Variants in KIF16B observed in about 807,000 individuals in gnomAD.
KIF16B encodes the protein kinesin family member 16B.
KIF16B carries 98 observed loss-of-function variants against 156.3 expected under a neutral mutation model. The observed-to-expected ratio is 0.63, with a 90% CI of 0.53 to 0.74. The LOEUF is 0.74. KIF16B is among the 30% of genes least tolerant of loss of function. The pLI, the probability that KIF16B is intolerant of heterozygous loss-of-function variation, is 0.00. For missense variants in KIF16B, 1,421 were observed against 1,606.5 expected, an observed-to-expected ratio of 0.88 and a Z score of 1.97; for synonymous variants, 564 against 583.7, an observed-to-expected ratio of 0.97 and a Z score of 0.49.
intron 17 of KIF16B, among the ~76,000 whole-genome samples, chr20:16,382,649 G>A (rs571995161): frequency 3.0e-4 from 45 of 152,142 alleles, no homozygotes; most frequent in African/African-American, 8.9e-4. Context: ...TTTAATTATC[G>A]CAAAGTTTCA....
chr20:16,319,416 G>A (rs904172838), intron 24 of KIF16B, among the ~76,000 whole-genome samples: 5 of 152,044 alleles, frequency 3.3e-5, no homozygotes, highest in Non-Finnish European at 4.4e-5. Flanking sequence ...TCCTACACAC[G>A]AGGAGCTGAA....
intron 24 of KIF16B, among the ~76,000 whole-genome samples, chr20:16,316,287 T>G (rs2063697017): frequency 6.6e-6 from 1 of 151,958 alleles, no homozygotes. Context: ...CAGCGATACC[T>G]AAGCCAATCC....
At chr20:16,392,842 C>T (rs180993394) in intron 17 of KIF16B, among the ~76,000 whole-genome samples, 14 of 152,242 alleles carry the variant, frequency 9.2e-5, no homozygotes, top group Non-Finnish European at 1.6e-4. Context: ...GCAGCAGTTG[C>T]CATCAAAGAA....
At position 16,505,755 on chromosome 20, in the gene KIF16B, G is replaced by C. The variant is rs976166608; in HGVS notation, c.967C>G (p.Leu323Val). Reference protein sequence around the residue: ...SVLTWLLKDSLGGNSKTIMIA... With the variant: ...SVLTWLLKDSVGGNSKTIMIA... ...ATGATAGTTTTAGAGTTTCCTCCAA[G>C]GCTATCTTTTAACAACCAAGTCAAC... is the stretch of plus-strand genomic sequence containing the variant. Residue 323 changes from leucine to valine, a missense_variant, in exon 9 of 26, where the codon CTT (leucine) becomes GTT (valine). Coordinates refer to ENST00000354981, the MANE Select transcript of KIF16B (RefSeq NM_024704.5). 2.5e-6 allele frequency: 4 copies of C among 1,613,674 alleles called. No individual in the cohort carries two copies. Among genetic ancestry groups the C allele is most frequent in the Non-Finnish European group, 3.4e-6 (4 of 1,179,680 alleles).
chr20:16,508,638 C>T (rs573895520), intron 6 of KIF16B, among the ~76,000 whole-genome samples: 6 of 152,266 alleles, frequency 3.9e-5, no homozygotes, highest in East Asian at 3.9e-4. Flanking sequence ...CAGATAGTAA[C>T]GCTTGCTCCC....
At position 16,508,004 on chromosome 20, in the gene KIF16B, T is replaced by A. The variant is rs762566096; in HGVS notation, c.653A>T (p.Asp218Val). Residue 218 changes from aspartate (D) to valine (V), a missense_variant, in exon 7 of 26, where the codon GAC becomes GTC. Coordinates refer to ENST00000354981, the MANE Select transcript of KIF16B (RefSeq NM_024704.5). ...NRTTAATGMN[D>V]VSSRSHAIFT... ...GATGGCATGAGACCTGCTACTGACG[T>A]CGTTCATCCCAGTCGCTGCGGTGGT... 1 of 1,614,164 alleles carries A rather than the reference T, an allele frequency of 6.2e-7. No individual in the cohort carries two copies. Among genetic ancestry groups the A allele is most frequent in the Non-Finnish European group, 8.5e-7 (1 of 1,180,016 alleles).
At chr20:16,520,583 G>C (rs765964947) in intron 3 of KIF16B, among the ~76,000 whole-genome samples, 1 of 152,198 alleles carries the variant, frequency 6.6e-6, no homozygotes, top group Non-Finnish European at 1.5e-5. Context: ...CCTGGGAGAA[G>C]GGGTGGCTGT....
At chr20:16,367,133 A>G (rs2064685412) in intron 22 of KIF16B, 2 of 1,549,000 alleles carry the variant, frequency 1.3e-6, no homozygotes, top group African/African-American at 2.8e-5. Flanking sequence ...GTGCATCTTT[A>G]AAAGTCTCCT....
chr20:16,524,346 C>T (rs1350632037), intron 3 of KIF16B, among the ~76,000 whole-genome samples: 1 of 152,036 alleles, frequency 6.6e-6, no homozygotes, highest in Non-Finnish European at 1.5e-5. Context: ...CAAACAACCC[C>T]ATCAAAAAGT....
chr20:16,501,186 T>C (rs1333456429), intron 10 of KIF16B, among the ~76,000 whole-genome samples: 2 of 152,066 alleles, frequency 1.3e-5, no homozygotes, highest in Non-Finnish European at 2.9e-5. Context: ...TTATCAAGTG[T>C]TGCAATACCA....
At chr20:16,359,073 T>A (rs1343580320) in intron 22 of KIF16B, among the ~76,000 whole-genome samples, 1 of 152,206 alleles carries the variant, frequency 6.6e-6, no homozygotes, top group African/African-American at 2.4e-5. Flanking sequence ...AAAGGTAGAT[T>A]TGGGACCTTA....
rs6043940 is a variant in KIF16B at position 16,432,956 on chromosome 20, C to G, written c.1303-2974G>C. Reference sequence around the variant, plus strand: ...GGCTCAGAACCTCAGGCTTTGAGGTCGGAGACTTCAGTAACATTGATTTAC... The same window carrying G: ...GGCTCAGAACCTCAGGCTTTGAGGTGGGAGACTTCAGTAACATTGATTTAC... On this transcript the variant is annotated intron_variant, in intron 12 of 25. Coordinates refer to ENST00000354981, the MANE Select transcript of KIF16B (RefSeq NM_024704.5). 4.4e-3 allele frequency among the ~76,000 whole-genome samples: 675 copies of G among 152,210 alleles called. 7 individuals are homozygous for G. The highest frequency in any genetic ancestry group is 0.016 in the African/African-American group (648 of 41,524).
At chr20:16,517,628 A>G (rs1437516467) in intron 3 of KIF16B, among the ~76,000 whole-genome samples, 4 of 152,062 alleles carry the variant, frequency 2.6e-5, no homozygotes, top group Admixed American at 6.6e-5. Context: ...CCAGGCCCCA[A>G]TCCTACCTGG....
chr20:16,503,644 A>G (rs2068687258), intron 10 of KIF16B, among the ~76,000 whole-genome samples: 4 of 152,220 alleles, frequency 2.6e-5, no homozygotes, highest in Non-Finnish European at 5.9e-5. Context: ...TCTAACTTCA[A>G]CATTTAAAAA....
At chr20:16,444,400 T>TAC (rs2066879681) in intron 12 of KIF16B, among the ~76,000 whole-genome samples, 1 of 152,216 alleles carries the variant, frequency 6.6e-6, no homozygotes, top group Admixed American at 6.5e-5. Flanking sequence ...AGAAGAATAT[T>TAC]ACTTCATGAT....
At chr20:16,341,723 C>G (rs568652192) in intron 23 of KIF16B, among the ~76,000 whole-genome samples, 50 of 152,354 alleles carry the variant, frequency 3.3e-4, no homozygotes, top group African/African-American at 1.2e-3. Flanking sequence ...AAACTCTGGG[C>G]TGGGGCCCAG....
chr20:16,462,746 C>T (rs992766174), intron 12 of KIF16B, among the ~76,000 whole-genome samples: 4 of 152,128 alleles, frequency 2.6e-5, no homozygotes, highest in African/African-American at 9.7e-5. Context: ...CTAACAAAAA[C>T]GAGCCTAAAA....
chr20:16,504,305 C>T, intron 10 of KIF16B, 67 bp downstream of exon 10: 1 of 1,496,186 alleles, frequency 6.7e-7, no homozygotes, highest in East Asian at 2.3e-5. Context: ...AAAATTGTCT[C>T]ATTAAGATCT....
intron 1 of KIF16B, among the ~76,000 whole-genome samples, chr20:16,535,594 T>C (rs532547529): frequency 1.4e-3 from 206 of 152,310 alleles, no homozygotes; most frequent in African/African-American, 4.8e-3. Flanking sequence ...AAATTCACCT[T>C]TTCCCCATTC....
Sources: gnomAD v4.1 joint callset for allele counts (sites outside exome capture counted in the v4.1 genomes callset) on GRCh38, gnomAD v4.1.1 for gene constraint, MANE v1.5 for transcripts, NCBI Gene and HGNC (gene_info 2026-07-23, HGNC 2026-07-21) for gene names.